Variants in CIMIP6 observed in about 807,000 individuals in gnomAD.
CIMIP6 encodes ciliary microtubule inner protein 6.
the CIMIP6 span, chr2:54,383,833 C>A: frequency 1.3e-5 from 2 of 152,098 alleles, no homozygotes; most frequent in Admixed American, 6.6e-5. Flanking sequence ...AGGGCTCTGC[C>A]TGCATGAATG....
At chr2:54,372,679 G>A in the CIMIP6 span, among the ~76,000 whole-genome samples, 1 of 152,308 alleles carries the variant, frequency 6.6e-6, no homozygotes, top group Non-Finnish European at 1.5e-5. Flanking sequence ...CACATGAGTG[G>A]AAAAGTCATC....
the CIMIP6 span, among the ~76,000 whole-genome samples, chr2:54,334,385 G>T: frequency 6.6e-6 from 1 of 152,112 alleles, no homozygotes; most frequent in Non-Finnish European, 1.5e-5. Context: ...AAATTAATTG[G>T]TTTATCCTTG....
At chr2:54,344,499 C>T in the CIMIP6 span, among the ~76,000 whole-genome samples, 115,763 of 152,118 alleles carry the variant, frequency 0.76, 44,239 homozygotes, top group Non-Finnish European at 0.8. Flanking sequence ...CTGGCCAAAG[C>T]CCTGACTGAG....
chr2:54,357,221 T>C, the CIMIP6 span, among the ~76,000 whole-genome samples: 1 of 152,234 alleles, frequency 6.6e-6, no homozygotes, highest in Non-Finnish European at 1.5e-5. Flanking sequence ...ACATGTAATG[T>C]ATAAGTATTT....
At chr2:54,381,950 C>T in the CIMIP6 span, 31 of 1,548,592 alleles carry the variant, frequency 2.0e-5, no homozygotes, top group African/African-American at 4.2e-4. Context: ...TAGGTGGTTT[C>T]ATGCCATCTT....
At chr2:54,374,803 T>A in the CIMIP6 span, among the ~76,000 whole-genome samples, 1 of 152,224 alleles carries the variant, frequency 6.6e-6, no homozygotes, top group South Asian at 2.1e-4. Flanking sequence ...AATACACATG[T>A]CAAGGCCCCC....
the CIMIP6 span, among the ~76,000 whole-genome samples, chr2:54,376,452 A>T: frequency 6.6e-6 from 1 of 152,186 alleles, no homozygotes; most frequent in Non-Finnish European, 1.5e-5. Context: ...TAAAATCTCA[A>T]GTTCGCTTTG....
the CIMIP6 span, chr2:54,331,128 C>A: frequency 1.0e-5 from 9 of 870,578 alleles, no homozygotes; most frequent in Admixed American, 2.3e-4. Context: ...CTCTAATTTC[C>A]AGTTGGCTGA....
the CIMIP6 span, chr2:54,339,793 G>C: frequency 0.034 from 2,955 of 86,270 alleles, 1,155 homozygotes; most frequent in African/African-American, 0.12. Flanking sequence ...TTGGCTACGC[G>C]ATTGTGGCTG....
At chr2:54,332,964 C>T in the CIMIP6 span, among the ~76,000 whole-genome samples, 1 of 152,184 alleles carries the variant, frequency 6.6e-6, no homozygotes, top group Non-Finnish European at 1.5e-5. Flanking sequence ...AAGCAGGGAA[C>T]TAGAATCCAA....
the CIMIP6 span, among the ~76,000 whole-genome samples, chr2:54,374,705 A>G: frequency 6.6e-6 from 1 of 152,224 alleles, no homozygotes; most frequent in South Asian, 2.1e-4. Flanking sequence ...GACTTAACAG[A>G]TTTCTAATTC....
At chr2:54,371,789 C>T in the CIMIP6 span, among the ~76,000 whole-genome samples, 6 of 152,294 alleles carry the variant, frequency 3.9e-5, no homozygotes, top group South Asian at 2.1e-4. Context: ...CAGGCATGCT[C>T]CTGTTTGGGG....
the CIMIP6 span, chr2:54,360,564 T>G: frequency 6.8e-7 from 1 of 1,478,348 alleles, no homozygotes; most frequent in South Asian, 1.4e-5. Context: ...TCAGAATAAA[T>G]TACCTTCTTC....
the CIMIP6 span, chr2:54,334,735 T>C: frequency 1.0e-6 from 1 of 955,954 alleles, no homozygotes; most frequent in Non-Finnish European, 1.6e-6. Context: ...GTTTGTAGTA[T>C]ATTTAAATCT....
At chr2:54,383,484 C>G in the CIMIP6 span, 1 of 152,156 alleles carries the variant, frequency 6.6e-6, no homozygotes, top group South Asian at 2.1e-4. Context: ...AGCCAAAGGA[C>G]AGAAGGAGCC....
the CIMIP6 span, among the ~76,000 whole-genome samples, chr2:54,331,435 A>AGTC: frequency 6.6e-6 from 1 of 152,022 alleles, no homozygotes; most frequent in African/African-American, 2.4e-5. Flanking sequence ...TCGACACAGC[A>AGTC]GTCAGAGCTA....
At chr2:54,383,193 C>G in the CIMIP6 span, 1 of 152,248 alleles carries the variant, frequency 6.6e-6, no homozygotes, top group Non-Finnish European at 1.5e-5. Context: ...GTCATGAGTC[C>G]TCTTGGAAGA....
At chr2:54,359,322 G>A in the CIMIP6 span, among the ~76,000 whole-genome samples, 3 of 151,988 alleles carry the variant, frequency 2.0e-5, no homozygotes, top group Admixed American at 6.6e-5. Context: ...CCAGGAGTTC[G>A]AGGCTGCAGT....
At chr2:54,381,346 C>A in the CIMIP6 span, among the ~76,000 whole-genome samples, 2 of 152,224 alleles carry the variant, frequency 1.3e-5, no homozygotes, top group African/African-American at 4.8e-5. Context: ...TTACAACTCT[C>A]TAGGCCTGTT....
Sources: allele counts gnomAD v4.1 joint callset (sites outside exome capture counted in the v4.1 genomes callset), GRCh38; gene constraint gnomAD v4.1.1; transcripts MANE v1.5; gene names NCBI Gene and HGNC (gene_info 2026-07-23, HGNC 2026-07-21).